The following MAP3K7CL variants were observed in gnomAD, a reference collection of about 807,000 sequenced individuals.
The protein encoded by MAP3K7CL is MAP3K7 C-terminal like, also known as MAP3K7 C-terminal-like protein.
Under a neutral mutation model 18.6 loss-of-function variants are expected in MAP3K7CL, and 16 were observed. That is an observed-to-expected ratio of 0.86 (90% CI 0.58 to 1.31). The LOEUF (loss-of-function observed/expected upper bound fraction) is 1.31. Ranked by LOEUF, MAP3K7CL falls within the 50% of genes most tolerant of loss-of-function variation. The pLI is 0.00. For missense variants in MAP3K7CL, 163 were observed against 174.4 expected (o/e 0.93, Z 0.37); for synonymous variants, 65 against 66.8 (o/e 0.97, Z 0.13).
chr21:29,129,138 A>T (rs2086732853), upstream of MAP3K7CL, among the ~76,000 whole-genome samples: 2 of 152,168 alleles, frequency 1.3e-5, no homozygotes, highest in South Asian at 4.1e-4. Context: ...TCTAACCCCT[A>T]ATTAACATCT....
At chr21:29,159,822 C>T (rs1601260103) in intron 3 of MAP3K7CL, 119 bp from the exon 4 acceptor site, 5 of 624,262 alleles carry the variant, frequency 8.0e-6, no homozygotes, top group Middle Eastern at 2.6e-4. Context: ...GCTGTTCTCA[C>T]GTTAAAAAAA....
At chr21:29,093,284 A>G (rs2086062327) in intron 4 of MAP3K7CL, among the ~76,000 whole-genome samples, 1 of 152,226 alleles carries the variant, frequency 6.6e-6, no homozygotes, top group Non-Finnish European at 1.5e-5. Flanking sequence ...TTCCCTTATT[A>G]TGGATGCACA....
At chr21:29,113,628 C>G (rs1426488268) in intron 4 of MAP3K7CL, among the ~76,000 whole-genome samples, 1 of 152,148 alleles carries the variant, frequency 6.6e-6, no homozygotes, top group Non-Finnish European at 1.5e-5. Context: ...CAGGTTCAAG[C>G]AATTCTCCTG....
At chr21:29,171,806 C>CAAAAAAAAA (rs34411156) in intron 4 of MAP3K7CL, among the ~76,000 whole-genome samples, 1 of 83,194 alleles carries the variant, frequency 1.2e-5, no homozygotes, top group African/African-American at 4.8e-5. Flanking sequence ...GACTCCATCT[C>CAAAAAAAAA]AAAAAAAAAA....
intron 2 of MAP3K7CL, among the ~76,000 whole-genome samples, chr21:29,147,144 C>T (rs56230605): frequency 0.014 from 2,088 of 152,078 alleles, 20 homozygotes; most frequent in Non-Finnish European, 0.022. Flanking sequence ...TATTTTTTCA[C>T]CTTATATTTT....
intron 4 of MAP3K7CL, among the ~76,000 whole-genome samples, chr21:29,110,995 G>A (rs918951681): frequency 6.6e-6 from 1 of 152,134 alleles, no homozygotes; most frequent in African/African-American, 2.4e-5. Context: ...AGTGGCTCAC[G>A]GCTGTAATCC....
rs189100503 is a variant in MAP3K7CL at position 29,078,075 on chromosome 21, G to C, written c.-49+362G>C. 4.1e-3 allele frequency among the ~76,000 whole-genome samples: 621 copies of C among 152,118 alleles called. 2 individuals are homozygous for C. The highest frequency in any genetic ancestry group is 0.014 in the African/African-American group (584 of 41,484). On this transcript the variant is annotated intron_variant, in intron 1 of 7. Transcript: ENST00000341618. Reference sequence around the variant, plus strand: ...CAGAATTGTTTAATGTTTTTGGCTTGTCTATGTGTTTTGATTTTTTTTGTA... The same window carrying C: ...CAGAATTGTTTAATGTTTTTGGCTTCTCTATGTGTTTTGATTTTTTTTGTA...
At chr21:29,095,214 G>T (rs1452078498) in intron 4 of MAP3K7CL, among the ~76,000 whole-genome samples, 1 of 151,714 alleles carries the variant, frequency 6.6e-6, no homozygotes, top group Non-Finnish European at 1.5e-5. Context: ...ATGCGTGTCT[G>T]TATGCCTAGC....
At chr21:29,110,611 G>T (rs1300974041) in intron 4 of MAP3K7CL, among the ~76,000 whole-genome samples, 1 of 152,000 alleles carries the variant, frequency 6.6e-6, no homozygotes, top group Non-Finnish European at 1.5e-5. Context: ...TGGCCAGGCT[G>T]GTCTCAAACT....
At chr21:29,167,157 T>C (rs2087708591) in intron 4 of MAP3K7CL, among the ~76,000 whole-genome samples, 1 of 152,264 alleles carries the variant, frequency 6.6e-6, no homozygotes, top group East Asian at 1.9e-4. Context: ...CTAATGATGT[T>C]ACACAGGTTC....
intron 1 of MAP3K7CL, among the ~76,000 whole-genome samples, chr21:29,078,887 C>T (rs1456449028): frequency 6.6e-6 from 1 of 152,174 alleles, no homozygotes; most frequent in Admixed American, 6.5e-5. Context: ...AGGTAAAGTC[C>T]TGACTGATTC....
At chr21:29,163,871 A>AT (rs1279989635) in intron 4 of MAP3K7CL, among the ~76,000 whole-genome samples, 1 of 151,790 alleles carries the variant, frequency 6.6e-6, no homozygotes, top group Non-Finnish European at 1.5e-5. Flanking sequence ...AATTAAAAAA[A>AT]TTTTTTTAAA....
chr21:29,087,515 T>TA (rs1457126980), intron 1 of MAP3K7CL, among the ~76,000 whole-genome samples: 1 of 152,052 alleles, frequency 6.6e-6, no homozygotes, highest in Non-Finnish European at 1.5e-5. Flanking sequence ...GAGGTTAAGC[T>TA]ATGTCTTAGG....
chr21:29,092,080 G>C (rs2086038569), intron 3 of MAP3K7CL, among the ~76,000 whole-genome samples: 1 of 152,190 alleles, frequency 6.6e-6, no homozygotes, highest in Admixed American at 6.5e-5. Context: ...CTCCCAAGTG[G>C]GGAGTATATT....
At chr21:29,148,263 CTG>C (rs1217384229) in intron 2 of MAP3K7CL, among the ~76,000 whole-genome samples, 1 of 151,870 alleles carries the variant, frequency 6.6e-6, no homozygotes, top group Non-Finnish European at 1.5e-5. Flanking sequence ...GTATATGTAT[CTG>C]TACTGTACCT....
At chr21:29,131,793 A>G (rs776332439) in intron 1 of MAP3K7CL, among the ~76,000 whole-genome samples, 1 of 151,748 alleles carries the variant, frequency 6.6e-6, no homozygotes, top group Non-Finnish European at 1.5e-5. Flanking sequence ...ATGATTCCAT[A>G]TGTATGTATG....
intron 4 of MAP3K7CL, among the ~76,000 whole-genome samples, chr21:29,107,847 T>G (rs2086351125): frequency 6.6e-6 from 1 of 152,228 alleles, no homozygotes; most frequent in Non-Finnish European, 1.5e-5. Flanking sequence ...GATATGGAAA[T>G]TATTGTTTGC....
chr21:29,164,733 T>C (rs2087643172), intron 4 of MAP3K7CL, among the ~76,000 whole-genome samples: 1 of 152,230 alleles, frequency 6.6e-6, no homozygotes, highest in South Asian at 2.1e-4. Context: ...ACGAGAGGTT[T>C]GTTATATTTT....
chr21:29,085,753 T>C (rs1601120035), upstream of MAP3K7CL: 5 of 1,062,520 alleles, frequency 4.7e-6, no homozygotes, highest in East Asian at 1.2e-4. Context: ...GGTTAGTATG[T>C]TGTTTGAAGG....
Sources: allele counts gnomAD v4.1 joint callset (sites outside exome capture counted in the v4.1 genomes callset), GRCh38; gene constraint gnomAD v4.1.1; transcripts MANE v1.5; gene names NCBI Gene and HGNC (gene_info 2026-07-23, HGNC 2026-07-21).